INSC: variants seen among roughly 807,000 people sequenced by gnomAD.
INSC encodes the protein INSC spindle orientation adaptor protein.
In INSC, 67 loss-of-function variants were observed where a neutral mutation model predicts 58.6. The ratio of observed to expected loss-of-function variants is 1.14; its 90% CI spans 0.94 to 1.40. The LOEUF (loss-of-function observed/expected upper bound fraction) is 1.40. INSC is among the 40% of genes most tolerant of loss of function. INSC has a pLI of 0.00. For missense variants in INSC, 714 were observed against 692.0 expected, an observed-to-expected ratio of 1.03 and a Z score of -0.36; for synonymous variants, 262 against 276.1, an observed-to-expected ratio of 0.95 and a Z score of 0.51.
At chr11:15,197,468 C>T (rs1199073219) in intron 6 of INSC, among the ~76,000 whole-genome samples, 6 of 152,168 alleles carry the variant, frequency 3.9e-5, no homozygotes, top group African/African-American at 1.4e-4. Context: ...GCATGCCCTG[C>T]ACAGCATCCT....
chr11:15,236,305 G>A (rs1852128197), intron 10 of INSC, among the ~76,000 whole-genome samples: 1 of 151,936 alleles, frequency 6.6e-6, no homozygotes, highest in South Asian at 2.1e-4. Context: ...TGGGGGGGTG[G>A]TGGTTGCTAT....
chr11:15,144,393 G>T (rs1848443756), intron 1 of INSC, among the ~76,000 whole-genome samples: 1 of 152,192 alleles, frequency 6.6e-6, no homozygotes, highest in Non-Finnish European at 1.5e-5. Context: ...GGCCTTTTCA[G>T]CTCCAAATGT....
At chr11:15,173,247 CAA>C (rs1438879234) in intron 2 of INSC, among the ~76,000 whole-genome samples, 1 of 152,138 alleles carries the variant, frequency 6.6e-6, no homozygotes, top group Non-Finnish European at 1.5e-5. Flanking sequence ...GTAAGAAGAT[CAA>C]AATGCAGCAA....
the INSC span, among the ~76,000 whole-genome samples, chr11:15,260,072 C>A: frequency 6.6e-6 from 1 of 152,124 alleles, no homozygotes; most frequent in Non-Finnish European, 1.5e-5. Context: ...GGCATGGATC[C>A]AACAGCCATG....
At chr11:15,177,879 C>T (rs531881828) in intron 4 of INSC, among the ~76,000 whole-genome samples, 1 of 152,316 alleles carries the variant, frequency 6.6e-6, no homozygotes, top group East Asian at 1.9e-4. Context: ...AGGCTCTCTG[C>T]ACACTCTAGG....
chr11:15,172,704 G>A (rs1053380941), intron 2 of INSC, among the ~76,000 whole-genome samples: 2 of 152,240 alleles, frequency 1.3e-5, no homozygotes, highest in African/African-American at 2.4e-5. Context: ...GTTCAAGGCT[G>A]CAGAGGATTG....
chr11:15,236,055 C>CAAAAA (rs66649068), intron 10 of INSC, among the ~76,000 whole-genome samples: 50 of 99,032 alleles, frequency 5.0e-4, no homozygotes, highest in Admixed American at 8.0e-4. Flanking sequence ...GACTCTGTCT[C>CAAAAA]AAAAAAAAAA....
chr11:15,184,681 G>A (rs572764272), intron 5 of INSC, among the ~76,000 whole-genome samples: 1 of 152,244 alleles, frequency 6.6e-6, no homozygotes, highest in Non-Finnish European at 1.5e-5. Context: ...GGCATGAGCC[G>A]CCACATCCAG....
At chr11:15,221,832 A>G (rs1479797972) in intron 8 of INSC, among the ~76,000 whole-genome samples, 184 bp downstream of exon 8, 1 of 152,212 alleles carries the variant, frequency 6.6e-6, no homozygotes, top group African/African-American at 2.4e-5. Context: ...GAGCTCTATT[A>G]TCAAGAGTTT....
the INSC span, among the ~76,000 whole-genome samples, chr11:15,264,082 AG>A: frequency 7.1e-6 from 1 of 140,980 alleles, no homozygotes; most frequent in Non-Finnish European, 1.5e-5. Context: ...GGATACTCCA[AG>A]GTACTCTTTT....
intron 7 of INSC, 93 bp from the exon 8 acceptor site, chr11:15,221,384 T>C (rs1851432280): frequency 7.0e-7 from 1 of 1,423,484 alleles, no homozygotes; most frequent in Non-Finnish European, 9.5e-7. Flanking sequence ...GGCTTCCATG[T>C]AGTGGGGGCT....
In INSC at chr11:15,245,914, T is replaced by A. The variant is rs1852544680; in HGVS notation, c.1473T>A (p.Ala491=). ...SSDAVLVACL[A]ALRRLAGVCP... is the part of the protein sequence containing the mutation. ...CACCTCTTCTGTCTTCTCCCCAGGC[T>A]GCTCTGCGTAGATTGGCTGGGGTCT... Residue 491 remains alanine, a splice_region_variant and synonymous_variant, in exon 13 of 13, where the codon GCT becomes GCA. Transcript: ENST00000379556. The A allele has an allele frequency of 6.2e-7, 1 of 1,613,854 alleles. No individual in the cohort carries two copies.
At position 15,175,762 on chromosome 11, in the gene INSC, C is replaced by T. The variant is rs560979259; in HGVS notation, c.78C>T (p.Asp26=). 2.5e-6 allele frequency: 4 copies of T among 1,569,572 alleles called. No homozygotes were observed. In the African/African-American group the frequency reaches 5.4e-5, roughly 21 times the overall value. ...PGQRLHLMQV[D]SVQRWMEDLK... is the part of the protein sequence containing the mutation. Reference sequence around the variant, plus strand: ...GCAGGCTACACCTGATGCAGGTGGACTCAGTCCAGCGCTGGATGGAAGATC... The same window carrying T: ...GCAGGCTACACCTGATGCAGGTGGATTCAGTCCAGCGCTGGATGGAAGATC... The change falls in exon 3 of 13, where the codon GAC becomes GAT. Residue 26 remains aspartate, a synonymous_variant. Coordinates refer to ENST00000379556, the MANE Select transcript of INSC (RefSeq NM_001042536.3).
intron 7 of INSC, among the ~76,000 whole-genome samples, chr11:15,216,106 T>C (rs1177024371): frequency 6.6e-6 from 1 of 152,108 alleles, no homozygotes; most frequent in African/African-American, 2.4e-5. Context: ...CTTTGTCTGA[T>C]ATGGAGTAAA....
At chr11:15,173,890 A>G (rs543183467) in intron 2 of INSC, among the ~76,000 whole-genome samples, 37 of 152,354 alleles carry the variant, frequency 2.4e-4, no homozygotes, top group Admixed American at 3.9e-4. Context: ...AACTGTAAAC[A>G]TGAAGACATG....
At chr11:15,237,081 A>T (rs1366616639) in intron 10 of INSC, among the ~76,000 whole-genome samples, 1 of 152,188 alleles carries the variant, frequency 6.6e-6, no homozygotes, top group Non-Finnish European at 1.5e-5. Flanking sequence ...TGGTTCACAA[A>T]GTGCTATTGA....
chr11:15,191,027 C>T (rs1178108383), intron 6 of INSC, among the ~76,000 whole-genome samples: 1 of 147,812 alleles, frequency 6.8e-6, no homozygotes, highest in Non-Finnish European at 1.5e-5. Flanking sequence ...GTCACCCAGG[C>T]TGGAGTGCAG....
chr11:15,221,349 TG>T, intron 7 of INSC, 127 bp from the exon 8 acceptor site: 1 of 1,077,764 alleles, frequency 9.3e-7, no homozygotes, highest in Non-Finnish European at 1.4e-6. Flanking sequence ...CATGGGGTCC[TG>T]GGCTGTTCTG....
At chr11:15,171,430 C>A (rs550258378) in intron 2 of INSC, among the ~76,000 whole-genome samples, 2 of 152,196 alleles carry the variant, frequency 1.3e-5, no homozygotes, top group African/African-American at 4.8e-5. Context: ...CTTGGTGTAC[C>A]TTTCTGGCTT....
Sources: allele counts gnomAD v4.1 joint callset (sites outside exome capture counted in the v4.1 genomes callset), GRCh38; gene constraint gnomAD v4.1.1; transcripts MANE v1.5; gene names NCBI Gene and HGNC (gene_info 2026-07-23, HGNC 2026-07-21).